Variants in FREM1 observed in about 807,000 individuals in gnomAD.
The protein encoded by FREM1 is FRAS1 related extracellular matrix 1.
FREM1 carries 220 observed loss-of-function variants against 210.1 expected under a neutral mutation model. That is an observed-to-expected ratio of 1.05 (90% CI 0.94 to 1.17). FREM1 has a LOEUF of 1.17. FREM1 is among the 50% of genes most tolerant of loss of function. The pLI is 0.00. For missense variants in FREM1, 3,454 were observed against 2,675.5 expected, an observed-to-expected ratio of 1.29 and a Z score of -6.42; for synonymous variants, 1,189 against 980.2, an observed-to-expected ratio of 1.21 and a Z score of -3.98.
intron 28 of FREM1, 91 bp from the exon 29 acceptor site, chr9:14,756,537 T>C (rs1270511330): frequency 6.8e-6 from 6 of 877,482 alleles, no homozygotes; most frequent in Non-Finnish European, 1.1e-5. Context: ...ACTAAACTCA[T>C]GCTCTTAAAT....
At chr9:14,737,619 C>G (rs1840631051) in intron 36 of FREM1, 24 bp from the exon 37 acceptor site, 5 of 1,456,518 alleles carry the variant, frequency 3.4e-6, no homozygotes, top group Non-Finnish European at 4.6e-6. Flanking sequence ...AAAGAATGTA[C>G]CAATTACTTT....
chr9:14,871,357 T>C (rs1004803053), intron 1 of FREM1, among the ~76,000 whole-genome samples: 4 of 152,222 alleles, frequency 2.6e-5, no homozygotes, highest in African/African-American at 7.2e-5. Context: ...CTAACTGGTG[T>C]GAGATGGTAT....
chr9:14,841,462 A>T lies in FREM1; in HGVS notation c.1866T>A (p.Asn622Lys). Residue 622 changes from asparagine (N) to lysine (K), a missense_variant, in exon 10 of 37, where the codon AAT becomes AAA. By Grantham distance (94) the Asn-to-Lys change is moderately conservative. Coordinates refer to ENST00000380880, the MANE Select transcript of FREM1 (RefSeq NM_001379081.2). ...AGTCTCTTACCTGTGGCACTGAAAG[A>T]TTTGGAGGTTCATGGCTGTCCCACA... ...FVLWDSHEPP[N>K]LSVPQVATIH... 2 of 1,607,638 alleles carry T rather than the reference A, an allele frequency of 1.2e-6. No homozygotes were observed. Among genetic ancestry groups the T allele is most frequent in the Non-Finnish European group, 1.7e-6 (2 of 1,175,718 alleles).
intron 19 of FREM1, among the ~76,000 whole-genome samples, chr9:14,803,266 TTTCC>T (rs1817671228): frequency 7.3e-6 from 1 of 136,136 alleles, no homozygotes; most frequent in Non-Finnish European, 1.6e-5. Flanking sequence ...CCTCTCTTTC[TTTCC>T]CTCCCTCCCT....
In FREM1 at chr9:14,908,523, T is replaced by C. The variant is rs148439491; in HGVS notation, c.-268+1391A>G. Reference sequence around the variant, plus strand: ...CAACTCCTTTTTTCCCTCGTGGGAATGAAAAGGCAGAGATGAAAAGGGAAG... The same window carrying C: ...CAACTCCTTTTTTCCCTCGTGGGAACGAAAAGGCAGAGATGAAAAGGGAAG... On this transcript the variant is annotated intron_variant, in intron 1 of 36. Transcript: ENST00000380880. Among the ~76,000 whole-genome samples, 748 of 150,834 alleles carry C rather than the reference T, an allele frequency of 5.0e-3. 7 individuals are homozygous for C. Among genetic ancestry groups the C allele is most frequent in the African/African-American group, 0.017 (713 of 40,990 alleles).
At chr9:14,790,981 C>T (rs1377962230) in intron 22 of FREM1, 1 of 152,214 alleles carries the variant, frequency 6.6e-6, no homozygotes, top group African/African-American at 2.4e-5. Flanking sequence ...ATGGTGCCTA[C>T]AATCTATGAC....
In FREM1 at chr9:14,823,145, G is replaced by A. The variant is rs765003468; in HGVS notation, c.2337+15C>T. 2 of 1,604,036 alleles carry A rather than the reference G, an allele frequency of 1.2e-6. No individual in the cohort carries two copies. The highest frequency in any genetic ancestry group is 2.2e-5 in the East Asian group (1 of 44,786). On this transcript the variant is annotated intron_variant, in intron 13 of 36. Coordinates refer to ENST00000380880, the MANE Select transcript of FREM1 (RefSeq NM_001379081.2). ...TTTCCTCCTTTTCATCCTCTATATA[G>A]AACATTGTACATACCTCAGGAACTT...
chr9:14,777,828 A>AGCCT (rs1848884639), intron 24 of FREM1, among the ~76,000 whole-genome samples: 1 of 152,164 alleles, frequency 6.6e-6, no homozygotes, highest in Admixed American at 6.5e-5. Context: ...CGAGTCAACC[A>AGCCT]GCCTGCCTGC....
chr9:14,842,738 G>C (rs1825906925), intron 8 of FREM1, 78 bp from the exon 9 acceptor site: 3 of 1,000,380 alleles, frequency 3.0e-6, no homozygotes, highest in Non-Finnish European at 4.5e-6. Context: ...CATCAATACA[G>C]TAGAGGCTGC....
Position 14,828,649 on chromosome 9 carries a change from A to C in FREM1, c.1882-3657T>G, listed in dbSNP as rs1389740. Among the ~76,000 whole-genome samples, 33 of 94,468 alleles carry C rather than the reference A, an allele frequency of 3.5e-4. 3 individuals carry two copies. Among genetic ancestry groups the C allele is most frequent in the South Asian group, 2.6e-3 (7 of 2,736 alleles). 62.0% of individuals were successfully genotyped at this position (94,468 alleles called of 152,430 possible). On this transcript the variant is annotated intron_variant, in intron 10 of 36. Coordinates refer to ENST00000380880, the MANE Select transcript of FREM1 (RefSeq NM_001379081.2). ...AACATAAATTGTGGCGGGGCGGGGG[A>C]GGTGCCGGGGTAGAATGTTATGGCT... is the stretch of plus-strand genomic sequence containing the variant.
In FREM1 at chr9:14,756,452, G is replaced by A. The variant is rs1298255599; in HGVS notation, c.5335-6C>T. 2.5e-6 allele frequency: 4 copies of A among 1,577,148 alleles called. No individual in the cohort carries two copies. The highest frequency in any genetic ancestry group is 3.6e-5 in the Admixed American group (2 of 56,174). On this transcript the variant is annotated splice_polypyrimidine_tract_variant and splice_region_variant and intron_variant, in intron 28 of 36. Transcript: ENST00000380880. Reference sequence around the variant, plus strand: ...GCAGCTGACACTTGGTTGACCTTAGGAGGGAAAAAAAAATCTTTTTAAGAT... The same window carrying A: ...GCAGCTGACACTTGGTTGACCTTAGAAGGGAAAAAAAAATCTTTTTAAGAT...
At chr9:14,789,569 A>C (rs796513018) in intron 22 of FREM1, among the ~76,000 whole-genome samples, 7 of 152,292 alleles carry the variant, frequency 4.6e-5, no homozygotes, top group African/African-American at 1.7e-4. Context: ...GGCTTGTCTG[A>C]AGTAGACAGA....
intron 20 of FREM1, among the ~76,000 whole-genome samples, chr9:14,798,320 C>T (rs1852829332): frequency 6.6e-6 from 1 of 152,148 alleles, no homozygotes; most frequent in African/African-American, 2.4e-5. Flanking sequence ...TATAAAATTA[C>T]AGCACAGGAG....
chr9:14,806,293 C>T (rs1251948870), intron 18 of FREM1, among the ~76,000 whole-genome samples: 6 of 140,388 alleles, frequency 4.3e-5, no homozygotes, highest in Admixed American at 3.8e-4. Context: ...TCCGCTCCTG[C>T]TGTCCAGATT....
In FREM1 at chr9:14,742,723, C is replaced by T. The variant is rs1218400882; in HGVS notation, c.6255-2489G>A. Among the ~76,000 whole-genome samples, 9 of 152,220 alleles carry T rather than the reference C, an allele frequency of 5.9e-5. No homozygotes were observed. The South Asian group carries it at 1.9e-3, about 32-fold the overall frequency. On this transcript the variant is annotated intron_variant, in intron 35 of 36. Coordinates refer to ENST00000380880, the MANE Select transcript of FREM1 (RefSeq NM_001379081.2). ...TAGTTTGATTCAAATCCAGAGGAAA[C>T]TTAGGATCCATAATTTAATAAAAAT...
In FREM1 at chr9:14,836,187, A is replaced by G. The variant is rs565902903; in HGVS notation, c.1881+5260T>C. Among the ~76,000 whole-genome samples, 5 of 152,310 alleles carry G rather than the reference A, an allele frequency of 3.3e-5. No homozygotes were observed. The highest frequency in any genetic ancestry group is 9.6e-5 in the African/African-American group (4 of 41,562). On this transcript the variant is annotated intron_variant, in intron 10 of 36. Transcript: ENST00000380880. This position sits in a 1 kb window ranked among gnomAD's most constrained non-coding sequence, Gnocchi z 4.9. ...ATTTTAGATGGAAATTATCTACCAC[A>G]CCACACTTGTGGGAATTGCTGTCCT...
chr9:14,744,731 T>G lies in FREM1; in HGVS notation c.6254+1622A>C, dbSNP rs186159739. 7.6e-3 allele frequency among the ~76,000 whole-genome samples: 1,156 copies of G among 152,334 alleles called. 8 individuals are homozygous for G. The highest frequency in any genetic ancestry group is 0.027 in the Middle Eastern group (8 of 294). On this transcript the variant is annotated intron_variant, in intron 35 of 36. Coordinates refer to ENST00000380880, the MANE Select transcript of FREM1 (RefSeq NM_001379081.2). ...ACATTTTTATGAAGCTTTTTTAGTA[T>G]GTATTTTTATTTCTTTTAGTTAAAT... is the stretch of plus-strand genomic sequence containing the variant.
chr9:14,752,992 A>C (rs1843658695), intron 29 of FREM1, among the ~76,000 whole-genome samples: 1 of 152,158 alleles, frequency 6.6e-6, no homozygotes, highest in South Asian at 2.1e-4. Flanking sequence ...GTGCATTCCA[A>C]CTTGGTTTCT....
At chr9:14,890,220 C>T (rs1372676764) in intron 1 of FREM1, among the ~76,000 whole-genome samples, 1 of 152,218 alleles carries the variant, frequency 6.6e-6, no homozygotes, top group Non-Finnish European at 1.5e-5. Flanking sequence ...TTCTGAACCC[C>T]ATGATGACCA....
Sources: allele counts gnomAD v4.1 joint callset (sites outside exome capture counted in the v4.1 genomes callset), GRCh38; gene constraint gnomAD v4.1.1; non-coding constraint Gnocchi (gnomAD v3.1); transcripts MANE v1.5; gene names NCBI Gene and HGNC (gene_info 2026-07-23, HGNC 2026-07-21).